Variants in UBE2E2 observed in about 807,000 individuals in gnomAD.
UBE2E2 encodes ubiquitin conjugating enzyme E2 E2, also known as ubiquitin-conjugating enzyme E2 E2.
UBE2E2 carries 6 observed loss-of-function variants against 24.7 expected under a neutral mutation model. The ratio of observed to expected loss-of-function variants is 0.24; its 90% CI spans 0.13 to 0.48. The LOEUF (loss-of-function observed/expected upper bound fraction) is 0.48, where lower values mean the gene tolerates loss of function less well. UBE2E2 is among the 20% of genes least tolerant of loss of function. UBE2E2 has a pLI of 0.99. For missense variants in UBE2E2, 169 were observed against 245.0 expected (o/e 0.69, Z 2.07); for synonymous variants, 104 against 83.6 (o/e 1.24, Z -1.33).
chr3:23,584,835 G>C (rs905396090), intron 5 of UBE2E2, among the ~76,000 whole-genome samples: 19 of 146,812 alleles, frequency 1.3e-4, no homozygotes, highest in Non-Finnish European at 2.1e-4. Flanking sequence ...ACCTCCCAAA[G>C]TGCTGAGATT....
chr3:23,489,708 G>A (rs1699455153), intron 3 of UBE2E2, among the ~76,000 whole-genome samples: 1 of 152,210 alleles, frequency 6.6e-6, no homozygotes, highest in Non-Finnish European at 1.5e-5. Flanking sequence ...CTCACCTGCT[G>A]TGTGGCCTCC....
chr3:23,284,366 G>A lies in UBE2E2; in HGVS notation c.227+67054G>A, dbSNP rs558363860. 2.0e-5 allele frequency among the ~76,000 whole-genome samples: 3 copies of A among 152,034 alleles called. No individual in the cohort carries two copies. The South Asian group carries it at 6.2e-4, about 32-fold the overall frequency. ...CTTATTTGAGCTCATAAAATATTTG[G>A]ACAGTTATCATGAGAGTTTGCTAAA... On this transcript the variant is annotated intron_variant, in intron 3 of 5. Coordinates refer to ENST00000396703, the MANE Select transcript of UBE2E2 (RefSeq NM_152653.4).
In UBE2E2 at chr3:23,474,654, A is replaced by T. The variant is rs541140691; in HGVS notation, c.228-24954A>T. ...GGTCACACAACTGGAATGGCAGTCT[A>T]GAATAAAACTATGCTGTTTCCACTT... On this transcript the variant is annotated intron_variant, in intron 3 of 5. Coordinates refer to ENST00000396703, the MANE Select transcript of UBE2E2 (RefSeq NM_152653.4). This position sits in a 1 kb window ranked among gnomAD's most constrained non-coding sequence, Gnocchi z 4.0. 1.6e-3 allele frequency among the ~76,000 whole-genome samples: 242 copies of T among 152,248 alleles called. 1 individual carries two copies. Among genetic ancestry groups the T allele is most frequent in the African/African-American group, 5.6e-3 (232 of 41,492 alleles).
At chr3:23,565,657 C>G (rs894462489) in intron 5 of UBE2E2, among the ~76,000 whole-genome samples, 1 of 151,892 alleles carries the variant, frequency 6.6e-6, no homozygotes, top group African/African-American at 2.4e-5. Context: ...GGGAAGTTGG[C>G]TCAACTCTGA....
At chr3:23,430,773 AGCCTTCC>A (rs1698042703) in intron 3 of UBE2E2, among the ~76,000 whole-genome samples, 3 of 152,144 alleles carry the variant, frequency 2.0e-5, no homozygotes, top group Non-Finnish European at 4.4e-5. Context: ...CTCCTACCTC[AGCCTTCC>A]AAAGGGCTAA....
intron 5 of UBE2E2, chr3:23,534,087 A>C (rs1384551783): frequency 1.6e-6 from 1 of 629,202 alleles, no homozygotes; most frequent in Non-Finnish European, 2.0e-6. Context: ...GACTGTGTAT[A>C]ACCTTGTATA....
At chr3:23,580,271 T>C (rs1026534842) in intron 5 of UBE2E2, among the ~76,000 whole-genome samples, 2 of 152,226 alleles carry the variant, frequency 1.3e-5, no homozygotes, top group African/African-American at 4.8e-5. Context: ...GAGAACTCTT[T>C]CCTGAAAGGG....
At chr3:23,310,278 G>A (rs1216872990) in intron 3 of UBE2E2, among the ~76,000 whole-genome samples, 1 of 143,058 alleles carries the variant, frequency 7.0e-6, no homozygotes, top group Non-Finnish European at 1.5e-5. Flanking sequence ...TGATATAAAA[G>A]CATTATGTGC....
rs376113939 is a variant in UBE2E2 at position 23,406,040 on chromosome 3, T to A, written c.228-93568T>A. ...TTCTCAGTTGTGAAGAATATGTGTT[T>A]GTTAAAAAGTAAATGAAAAATTAAA... On this transcript the variant is annotated intron_variant, in intron 3 of 5. Coordinates refer to ENST00000396703, the MANE Select transcript of UBE2E2 (RefSeq NM_152653.4). 2.0e-3 allele frequency among the ~76,000 whole-genome samples: 298 copies of A among 152,360 alleles called. 19 individuals carry two copies. In the South Asian group the frequency reaches 0.06, roughly 30 times the overall value.
At position 23,359,097 on chromosome 3, in the gene UBE2E2, A is replaced by G. The variant is rs146050897; in HGVS notation, c.228-140511A>G. On this transcript the variant is annotated intron_variant, in intron 3 of 5. Transcript: ENST00000396703. ...CCGTTTTTGACTATTCAACTATTCAACATCATGAACATTACCTTTTTTCAG... is the reference window on the plus strand; with the variant it reads ...CCGTTTTTGACTATTCAACTATTCAGCATCATGAACATTACCTTTTTTCAG... Among the ~76,000 whole-genome samples, 419 of 152,298 alleles carry G rather than the reference A, an allele frequency of 2.8e-3. 3 individuals are homozygous for G. The highest frequency in any genetic ancestry group is 9.6e-3 in the African/African-American group (400 of 41,564).
At chr3:23,203,719 C>G (rs1262080602) in intron 1 of UBE2E2, among the ~76,000 whole-genome samples, 2 of 142,340 alleles carry the variant, frequency 1.4e-5, no homozygotes, top group Non-Finnish European at 3.1e-5. Flanking sequence ...TCTCCCTGTC[C>G]TCCTTCTACC....
At chr3:23,461,828 T>G (rs1444435554) in intron 3 of UBE2E2, among the ~76,000 whole-genome samples, 1 of 152,208 alleles carries the variant, frequency 6.6e-6, no homozygotes, top group African/African-American at 2.4e-5. Flanking sequence ...ATGTCTTGAT[T>G]ACATTGCATG....
At chr3:23,421,686 G>A (rs1166160892) in intron 3 of UBE2E2, among the ~76,000 whole-genome samples, 9 of 152,318 alleles carry the variant, frequency 5.9e-5, no homozygotes, top group South Asian at 2.1e-4. Flanking sequence ...GATTACAGAC[G>A]TGAGCCACCA....
chr3:23,220,090 A>G (rs1037563781), intron 3 of UBE2E2, among the ~76,000 whole-genome samples: 2 of 152,208 alleles, frequency 1.3e-5, no homozygotes, highest in African/African-American at 2.4e-5. Flanking sequence ...AGTTGAGACT[A>G]TCAAGTCACC....
At chr3:23,211,884 C>T (rs113777750) in intron 2 of UBE2E2, among the ~76,000 whole-genome samples, 115 of 152,182 alleles carry the variant, frequency 7.6e-4, no homozygotes, top group African/African-American at 2.7e-3. Flanking sequence ...TTAAAATCTA[C>T]GGTCATATTT....
intron 5 of UBE2E2, among the ~76,000 whole-genome samples, chr3:23,582,768 G>A (rs1223494305): frequency 6.6e-6 from 1 of 151,840 alleles, no homozygotes; most frequent in Non-Finnish European, 1.5e-5. Flanking sequence ...GTAAATTTAA[G>A]TTCCATGTAG....
At chr3:23,458,920 A>AAT (rs1698742660) in intron 3 of UBE2E2, among the ~76,000 whole-genome samples, 1 of 152,210 alleles carries the variant, frequency 6.6e-6, no homozygotes, top group Admixed American at 6.5e-5. Flanking sequence ...AACAAAGGGC[A>AAT]ATAAAACACG....
chr3:23,522,788 G>A (rs1404667403), intron 4 of UBE2E2, among the ~76,000 whole-genome samples: 1 of 151,766 alleles, frequency 6.6e-6, no homozygotes, highest in Non-Finnish European at 1.5e-5. Context: ...TTATGTTTTG[G>A]CATATATGGT....
chr3:23,503,850 C>G (rs1002081303), intron 4 of UBE2E2, among the ~76,000 whole-genome samples: 1 of 147,000 alleles, frequency 6.8e-6, no homozygotes, highest in African/African-American at 2.5e-5. Context: ...AAGACTCTGT[C>G]TCTAAATGAA....
Sources: allele counts gnomAD v4.1 joint callset (sites outside exome capture counted in the v4.1 genomes callset), GRCh38; gene constraint gnomAD v4.1.1; non-coding constraint Gnocchi (gnomAD v3.1); transcripts MANE v1.5; gene names NCBI Gene and HGNC (gene_info 2026-07-23, HGNC 2026-07-21).